AGBL4: variants seen among roughly 807,000 people sequenced by gnomAD.
AGBL4 encodes the protein AGBL carboxypeptidase 4.
In AGBL4, 58 loss-of-function variants were observed where a neutral mutation model predicts 66.4. The ratio of observed to expected loss-of-function variants is 0.87; its 90% CI spans 0.71 to 1.09. AGBL4 has a LOEUF of 1.09. Ranked by LOEUF, AGBL4 falls within the 50% of genes least tolerant of loss-of-function variation. The pLI is 0.00. For missense variants in AGBL4, 579 were observed against 631.0 expected (o/e 0.92, Z 0.88); for synonymous variants, 234 against 222.9 (o/e 1.05, Z -0.44).
intron 3 of AGBL4, among the ~76,000 whole-genome samples, chr1:49,552,868 C>T (rs1653081406): frequency 6.6e-6 from 1 of 152,042 alleles, no homozygotes; most frequent in African/African-American, 2.4e-5. Context: ...GTTAATAAAC[C>T]CAGTCTAGTA....
At chr1:49,234,346 C>T (rs1183382473) in intron 4 of AGBL4, among the ~76,000 whole-genome samples, 2 of 152,126 alleles carry the variant, frequency 1.3e-5, no homozygotes, top group Non-Finnish European at 1.5e-5. Context: ...CTAATCCCAT[C>T]TTGATAGTTC....
At chr1:49,891,764 GAGTTAACA>G (rs1393267985) in intron 1 of AGBL4, among the ~76,000 whole-genome samples, 6 of 152,112 alleles carry the variant, frequency 3.9e-5, no homozygotes, top group Non-Finnish European at 8.8e-5. Context: ...ATATGAAGAG[GAGTTAACA>G]ATGCAGACTC....
rs549994161 is a variant in AGBL4, at chr1:49,003,433, A to T, written c.594+42151T>A. 1.5e-3 allele frequency among the ~76,000 whole-genome samples: 223 copies of T among 152,278 alleles called. 4 individuals are homozygous for T. The highest frequency in any genetic ancestry group is 5.2e-3 in the African/African-American group (216 of 41,562). ...AATACATACATACAAATAAATAAAT[A>T]AAATAAAATAAAAATAAAGTTCAAA... On this transcript the variant is annotated intron_variant, in intron 5 of 13. Coordinates refer to ENST00000371839, the MANE Select transcript of AGBL4 (RefSeq NM_032785.4).
intron 3 of AGBL4, among the ~76,000 whole-genome samples, chr1:49,465,439 G>T (rs1646609937): frequency 6.6e-6 from 1 of 151,674 alleles, no homozygotes; most frequent in African/African-American, 2.4e-5. Context: ...CTACTGTGGG[G>T]CTCACAGGAG....
At chr1:49,763,904 GACTAT>G (rs1187583959) in intron 2 of AGBL4, among the ~76,000 whole-genome samples, 1 of 152,150 alleles carries the variant, frequency 6.6e-6, no homozygotes, top group Non-Finnish European at 1.5e-5. Flanking sequence ...GGAGTGGCCA[GACTAT>G]ACCACATGAG....
chr1:49,846,042 C>T, intron 2 of AGBL4: 2 of 1,591,808 alleles, frequency 1.3e-6, no homozygotes, highest in East Asian at 2.2e-5. Context: ...CAGCTTGCTC[C>T]CCTCATTCAG....
chr1:49,503,258 C>T (rs1390535900), intron 3 of AGBL4, among the ~76,000 whole-genome samples: 1 of 152,128 alleles, frequency 6.6e-6, no homozygotes, highest in African/African-American at 2.4e-5. Context: ...CCACAGAATA[C>T]AAGAACTGAG....
At chr1:49,060,075 T>C (rs1490390342) in intron 4 of AGBL4, among the ~76,000 whole-genome samples, 2 of 152,084 alleles carry the variant, frequency 1.3e-5, no homozygotes, top group Non-Finnish European at 2.9e-5. Flanking sequence ...AATTTGAGAT[T>C]TGGGAGAGGC....
chr1:49,596,237 G>A (rs988823197), intron 3 of AGBL4, among the ~76,000 whole-genome samples: 5 of 152,088 alleles, frequency 3.3e-5, no homozygotes, highest in African/African-American at 7.2e-5. Context: ...GCGCAATCTC[G>A]GCTCACTGCA....
intron 2 of AGBL4, among the ~76,000 whole-genome samples, chr1:49,761,473 T>C (rs926323072): frequency 4.6e-5 from 7 of 152,206 alleles, no homozygotes; most frequent in African/African-American, 1.7e-4. Flanking sequence ...CATACAGCCC[T>C]GGCTCTGGCC....
intron 4 of AGBL4, among the ~76,000 whole-genome samples, chr1:49,146,672 A>G (rs1457751953): frequency 6.6e-6 from 1 of 152,214 alleles, no homozygotes; most frequent in Non-Finnish European, 1.5e-5. Flanking sequence ...TACTTGTCAT[A>G]CATGCACCAT....
chr1:49,119,086 C>A (rs1645595267), intron 4 of AGBL4, among the ~76,000 whole-genome samples: 1 of 152,086 alleles, frequency 6.6e-6, no homozygotes, highest in South Asian at 2.1e-4. Flanking sequence ...ATTCTTCTCT[C>A]TTTTCTTCTT....
intron 3 of AGBL4, among the ~76,000 whole-genome samples, chr1:49,676,518 T>C (rs904255550): frequency 5.3e-5 from 8 of 152,126 alleles, no homozygotes; most frequent in African/African-American, 1.7e-4. Flanking sequence ...TAGGTTGTCA[T>C]ACACTTTGCT....
chr1:48,625,027 C>T (rs1350957000), intron 9 of AGBL4, among the ~76,000 whole-genome samples: 2 of 151,878 alleles, frequency 1.3e-5, no homozygotes, highest in Non-Finnish European at 2.9e-5. Flanking sequence ...CCTGCTGCTG[C>T]CTCCTGAGTA....
chr1:49,115,384 A>T (rs1645497633), intron 4 of AGBL4, among the ~76,000 whole-genome samples: 1 of 152,220 alleles, frequency 6.6e-6, no homozygotes, highest in Admixed American at 6.5e-5. Context: ...GGAACGGAAA[A>T]GGTACTACTG....
chr1:48,889,703 A>T (rs1650731824), intron 5 of AGBL4, among the ~76,000 whole-genome samples: 1 of 152,198 alleles, frequency 6.6e-6, no homozygotes, highest in Admixed American at 6.5e-5. Context: ...TCCAAGGTTA[A>T]CAGCTGAACT....
At chr1:48,964,963 G>C (rs1305791282) in intron 5 of AGBL4, among the ~76,000 whole-genome samples, 1 of 152,108 alleles carries the variant, frequency 6.6e-6, no homozygotes, top group African/African-American at 2.4e-5. Flanking sequence ...CCAAGTTGTT[G>C]CCTCAAAAGT....
intron 3 of AGBL4, among the ~76,000 whole-genome samples, chr1:49,398,966 T>C (rs1455997771): frequency 6.6e-6 from 1 of 152,096 alleles, no homozygotes; most frequent in Non-Finnish European, 1.5e-5. Context: ...TTGTTTTCAT[T>C]AACAATCCCC....
intron 6 of AGBL4, among the ~76,000 whole-genome samples, chr1:48,708,163 G>T (rs1646909642): frequency 1.3e-5 from 2 of 152,206 alleles, no homozygotes; most frequent in Non-Finnish European, 2.9e-5. Flanking sequence ...TCCAGAGTGA[G>T]GGTTACCTTT....
Sources: allele counts gnomAD v4.1 joint callset (sites outside exome capture counted in the v4.1 genomes callset), GRCh38; gene constraint gnomAD v4.1.1; transcripts MANE v1.5; gene names NCBI Gene and HGNC (gene_info 2026-07-23, HGNC 2026-07-21).